Variants in BRI3 observed in about 807,000 individuals in gnomAD.
The protein encoded by BRI3 is membrane protein BRI3.
Under a neutral mutation model 12.8 loss-of-function variants are expected in BRI3, and 6 were observed. That is an observed-to-expected ratio of 0.47 (90% CI 0.26 to 0.93). BRI3 has a LOEUF of 0.93. BRI3 is among the 40% of genes least tolerant of loss of function. The pLI is 0.15. For missense variants in BRI3, 134 were observed against 171.1 expected, an observed-to-expected ratio of 0.78 and a Z score of 1.21; for synonymous variants, 91 against 76.1, an observed-to-expected ratio of 1.20 and a Z score of -1.02.
chr7:98,282,472 T>A lies in BRI3; in HGVS notation c.245+19T>A. The A allele has an allele frequency of 6.2e-7, 1 of 1,600,792 alleles. No individual in the cohort carries two copies. Among genetic ancestry groups the A allele is most frequent in the Admixed American group, 1.7e-5 (1 of 59,982 alleles). On this transcript the variant is annotated intron_variant, in intron 2 of 2. Coordinates refer to ENST00000297290, the MANE Select transcript of BRI3 (RefSeq NM_015379.5). The stretch of plus-strand genomic sequence containing the variant: ...TCTGCAGGTGAGTGGGTCTGCAGCC[T>A]GGGGACTGGCCCTGGAAGCTCTGAG...
intron 2 of BRI3, among the ~76,000 whole-genome samples, chr7:98,290,145 G>A (rs1406298122): frequency 6.7e-6 from 1 of 150,118 alleles, no homozygotes; most frequent in Non-Finnish European, 1.5e-5. Context: ...GATGTATGTG[G>A]CTTGTGGCAC....
intron 1 of BRI3, 121 bp downstream of exon 1, chr7:98,282,058 G>T: frequency 7.7e-7 from 1 of 1,293,710 alleles, no homozygotes; most frequent in Non-Finnish European, 9.9e-7. Flanking sequence ...GGAGGTCCCC[G>T]GGCTGGCTTC....
chr7:98,323,127 C>T, the BRI3 span: 18 of 152,370 alleles, frequency 1.2e-4, no homozygotes, highest in Admixed American at 1.2e-3. Context: ...ACATCCTTAG[C>T]AACGCTGGCT....
Position 98,287,042 on chromosome 7 carries a change from G to A in BRI3, c.246-4069G>A, listed in dbSNP as rs79452547. Among the ~76,000 whole-genome samples, 708 of 152,310 alleles carry A rather than the reference G, an allele frequency of 4.6e-3. 11 individuals are homozygous for A. The highest frequency in any genetic ancestry group is 0.016 in the African/African-American group (666 of 41,570). ...TCTCCTGGCCAGCCCTCGGGCCTTC[G>A]AAGCCCGTTCAGAGCTCTCAGGCCC... is the stretch of plus-strand genomic sequence containing the variant. On this transcript the variant is annotated intron_variant, in intron 2 of 2. Coordinates refer to ENST00000297290, the MANE Select transcript of BRI3 (RefSeq NM_015379.5).
intron 2 of BRI3, among the ~76,000 whole-genome samples, chr7:98,290,862 A>G (rs1404375183): frequency 6.6e-6 from 1 of 152,216 alleles, no homozygotes; most frequent in Admixed American, 6.5e-5. Context: ...TTTTCTTTGA[A>G]TGTTACATGT....
downstream of BRI3, among the ~76,000 whole-genome samples, chr7:98,294,908 T>C (rs1203433965): frequency 6.6e-6 from 1 of 152,100 alleles, no homozygotes; most frequent in South Asian, 2.1e-4. Flanking sequence ...GGGCCAGGTG[T>C]GTGCGCGCCT....
chr7:98,291,069 G>A (rs201437729), intron 2 of BRI3, 42 bp from the exon 3 acceptor site: 31 of 1,611,594 alleles, frequency 1.9e-5, no homozygotes, highest in African/African-American at 6.7e-5. Flanking sequence ...CTGGCTGCCC[G>A]GGTCCTTACG....
At chr7:98,287,339 G>T (rs569031236) in intron 2 of BRI3, among the ~76,000 whole-genome samples, 1 of 152,244 alleles carries the variant, frequency 6.6e-6, no homozygotes, top group Non-Finnish European at 1.5e-5. Flanking sequence ...GGACTGAGGG[G>T]CTCAGGCCAG....
chr7:98,284,292 G>C (rs1053924778), intron 2 of BRI3, among the ~76,000 whole-genome samples: 1 of 152,242 alleles, frequency 6.6e-6, no homozygotes, highest in Non-Finnish European at 1.5e-5. Flanking sequence ...CAGCACACAC[G>C]TCCCTGCGCT....
chr7:98,300,077 G>A (rs748385972), intron 1 of BRI3, among the ~76,000 whole-genome samples: 5 of 152,166 alleles, frequency 3.3e-5, no homozygotes, highest in South Asian at 4.1e-4. Flanking sequence ...AAATGTAAAC[G>A]TCTAGTTCCT....
chr7:98,297,139 C>T (rs1037156192), downstream of BRI3, among the ~76,000 whole-genome samples: 1 of 152,204 alleles, frequency 6.6e-6, no homozygotes, highest in African/African-American at 2.4e-5. Context: ...GACTATAGAG[C>T]GAGGCCACCA....
chr7:98,290,774 C>T (rs999835881), intron 2 of BRI3, among the ~76,000 whole-genome samples: 9 of 152,266 alleles, frequency 5.9e-5, no homozygotes, highest in African/African-American at 2.2e-4. Flanking sequence ...GCTGGGATTA[C>T]AGGCGTGAGC....
exon 2 of BRI3, chr7:98,307,837 T>C: frequency 6.2e-7 from 1 of 1,614,256 alleles, no homozygotes; most frequent in Non-Finnish European, 8.5e-7. Context: ...TGCTTCTTCA[T>C]CATGTTCAGT....
downstream of BRI3, among the ~76,000 whole-genome samples, chr7:98,296,963 C>T (rs1562962640): frequency 1.3e-5 from 2 of 152,216 alleles, no homozygotes; most frequent in African/African-American, 2.4e-5. Context: ...TCTCTGTTCC[C>T]TTTCCTTGCA....
At chr7:98,317,134 T>C in the BRI3 span, 21 of 1,559,534 alleles carry the variant, frequency 1.3e-5, no homozygotes, top group Non-Finnish European at 1.8e-5. Context: ...ATTACAGGCG[T>C]GAGCCACCGC....
Position 98,281,690 on chromosome 7 carries a change from G to A in BRI3, c.-106G>A, listed in dbSNP as rs1799518000. The A allele has an allele frequency of 2.2e-6, 1 of 457,020 alleles. No homozygotes were observed. The highest frequency in any genetic ancestry group is 2.9e-6 in the Non-Finnish European group (1 of 348,904). 28.3% of individuals were successfully genotyped at this position (457,020 alleles called of 1,614,324 possible). A position where few individuals can be genotyped will look rare whatever the true frequency, so the allele number is the denominator to read the frequency against. Reference sequence around the variant, plus strand: ...GCCCCGCCCCGCGTCTGCCTCAGAGGGGCCCGAGCCACCCGGTCCGCCGCG... The same window carrying A: ...GCCCCGCCCCGCGTCTGCCTCAGAGAGGCCCGAGCCACCCGGTCCGCCGCG... On this transcript the variant is annotated 5_prime_UTR_variant, in exon 1 of 3. Coordinates refer to ENST00000297290, the MANE Select transcript of BRI3 (RefSeq NM_015379.5).
chr7:98,302,089 TAAGA>T, upstream of BRI3, among the ~76,000 whole-genome samples: 1 of 152,294 alleles, frequency 6.6e-6, no homozygotes, highest in East Asian at 1.9e-4. Context: ...CGAAGAGGTT[TAAGA>T]ATGAAGCCAG....
chr7:98,296,578 T>G (rs1031923924), downstream of BRI3, among the ~76,000 whole-genome samples: 1 of 152,136 alleles, frequency 6.6e-6, no homozygotes, highest in Non-Finnish European at 1.5e-5. Context: ...GAGCTGAGAT[T>G]GCACCACTGC....
downstream of BRI3, chr7:98,294,213 G>A (rs1190009981): frequency 1.4e-5 from 17 of 1,234,946 alleles, no homozygotes; most frequent in Middle Eastern, 2.1e-4. Context: ...GGCTGGTTTC[G>A]AACTCCTGAG....
Sources: gnomAD v4.1 joint callset for allele counts (sites outside exome capture counted in the v4.1 genomes callset) on GRCh38, gnomAD v4.1.1 for gene constraint, MANE v1.5 for transcripts, NCBI Gene and HGNC (gene_info 2026-07-23, HGNC 2026-07-21) for gene names.